Variants in ITPK1 observed in about 807,000 individuals in gnomAD.
ITPK1 encodes the protein inositol-tetrakisphosphate 1-kinase.
A neutral mutation model predicts 45.3 loss-of-function variants in ITPK1; 21 were observed. The observed-to-expected ratio is 0.46, with a 90% confidence interval of 0.33 to 0.67. The LOEUF (loss-of-function observed/expected upper bound fraction) is 0.67. ITPK1 is among the 30% of genes least tolerant of loss of function. ITPK1 has a pLI of 0.02. For synonymous variants in ITPK1, 258 were observed against 253.6 expected, an observed-to-expected ratio of 1.02 and a Z score of -0.16; for missense variants, 474 against 573.5, an observed-to-expected ratio of 0.83 and a Z score of 1.77.
chr14:93,115,344 G>T (rs1444589456), intron 1 of ITPK1, 39 bp from the exon 2 acceptor site: 2 of 259,594 alleles, frequency 7.7e-6, no homozygotes, highest in East Asian at 6.9e-5. Context: ...CGCGGCGGGC[G>T]GCCGGGAGGA....
At chr14:92,972,576 C>A (rs551634745) in intron 5 of ITPK1, among the ~76,000 whole-genome samples, 1 of 152,230 alleles carries the variant, frequency 6.6e-6, no homozygotes, top group African/African-American at 2.4e-5. Flanking sequence ...TACTTCCCAA[C>A]TCTTTTGTTT....
chr14:93,114,565 C>A (rs748586889), intron 2 of ITPK1, among the ~76,000 whole-genome samples: 1 of 152,228 alleles, frequency 6.6e-6, no homozygotes, highest in Non-Finnish European at 1.5e-5. Context: ...AATTGCTACT[C>A]GCTTCAACTG....
At chr14:93,019,325 G>T (rs1203155235) in intron 3 of ITPK1, among the ~76,000 whole-genome samples, 1 of 152,200 alleles carries the variant, frequency 6.6e-6, no homozygotes, top group Non-Finnish European at 1.5e-5. Context: ...GAGCAGAGGG[G>T]ACGCCCTTGG....
chr14:93,073,022 T>C (rs374674499), intron 3 of ITPK1, among the ~76,000 whole-genome samples: 53 of 152,268 alleles, frequency 3.5e-4, no homozygotes, highest in Admixed American at 5.2e-4. Context: ...GAGGGTTTTA[T>C]GCCCTGAGGT....
chr14:93,063,496 T>C lies in ITPK1; in HGVS notation c.120+13099A>G, dbSNP rs989783047. Among the ~76,000 whole-genome samples the C allele has an allele frequency of 3.3e-5, 5 of 152,202 alleles. No individual in the cohort carries two copies. Among genetic ancestry groups the C allele is most frequent in the Admixed American group, 3.3e-4 (5 of 15,280 alleles). ...GACCTCAGGCTACCCACGCTTCTCC[T>C]ACGAGGGCCTGAGTTTTAGAAGGCC... On this transcript the variant is annotated intron_variant, in intron 3 of 10. Transcript: ENST00000267615. This position sits in a 1 kb window ranked among gnomAD's most constrained non-coding sequence, Gnocchi z 4.3.
chr14:93,099,770 G>A (rs975570798), intron 2 of ITPK1, among the ~76,000 whole-genome samples: 1 of 152,018 alleles, frequency 6.6e-6, no homozygotes, highest in Non-Finnish European at 1.5e-5. Context: ...AGCTGCCTCC[G>A]AGAATTCTGG....
intron 3 of ITPK1, among the ~76,000 whole-genome samples, chr14:93,024,925 T>C (rs892217367): frequency 6.6e-6 from 1 of 151,978 alleles, no homozygotes; most frequent in Non-Finnish European, 1.5e-5. Context: ...TGTGCAGGGA[T>C]TGAGGCTGGG....
intron 10 of ITPK1, 44 bp from the exon 11 acceptor site, chr14:92,941,948 C>T (rs1409842772): frequency 1.3e-6 from 2 of 1,558,054 alleles, no homozygotes; most frequent in East Asian, 2.3e-5. Context: ...GAGCCAGGGG[C>T]ACGCATCATG....
intron 3 of ITPK1, among the ~76,000 whole-genome samples, chr14:93,049,332 C>T (rs528038322): frequency 1.3e-5 from 2 of 152,302 alleles, no homozygotes; most frequent in Admixed American, 1.3e-4. Context: ...CACAGGTAAA[C>T]ACAGTCGGCT....
intron 4 of ITPK1, among the ~76,000 whole-genome samples, chr14:93,009,580 T>C (rs968386802): frequency 1.6e-4 from 24 of 152,314 alleles, no homozygotes; most frequent in African/African-American, 5.1e-4. Flanking sequence ...TGGCCTGGCA[T>C]TGGTGCACAA....
In ITPK1 at chr14:93,001,570, G is replaced by A. The variant is rs188778116; in HGVS notation, c.247-7573C>T. Among the ~76,000 whole-genome samples, 38 of 152,204 alleles carry A rather than the reference G, an allele frequency of 2.5e-4. 2 individuals carry two copies. Among genetic ancestry groups the A allele is most frequent in the African/African-American group, 7.2e-4 (30 of 41,526 alleles). ...GTGTCAGCACCAAGGCGAACCCAGCGTGCCACACCCAGAGGAAACTTCCCA... is the reference window on the plus strand; with the variant it reads ...GTGTCAGCACCAAGGCGAACCCAGCATGCCACACCCAGAGGAAACTTCCCA... On this transcript the variant is annotated intron_variant, in intron 4 of 10. Coordinates refer to ENST00000267615, the MANE Select transcript of ITPK1 (RefSeq NM_014216.6).
chr14:93,001,327 CG>C (rs1363076603), intron 4 of ITPK1, among the ~76,000 whole-genome samples: 1 of 151,774 alleles, frequency 6.6e-6, no homozygotes, highest in Non-Finnish European at 1.5e-5. Flanking sequence ...AAACAAAAAA[CG>C]GCAAGCACAG....
intron 2 of ITPK1, among the ~76,000 whole-genome samples, chr14:93,078,247 T>C (rs79089242): frequency 0.023 from 3,495 of 152,264 alleles, 126 homozygotes; most frequent in African/African-American, 0.08. Context: ...TTGGGCACCC[T>C]TGCTCCCTTG....
At chr14:92,962,324 A>T in intron 7 of ITPK1, 31 bp downstream of exon 7, 1 of 1,554,020 alleles carries the variant, frequency 6.4e-7, no homozygotes. Context: ...GATGGGGGTC[A>T]GGGACAACAG....
chr14:93,088,610 C>A (rs1272719561), intron 2 of ITPK1, among the ~76,000 whole-genome samples: 1 of 151,992 alleles, frequency 6.6e-6, no homozygotes, highest in Non-Finnish European at 1.5e-5. Flanking sequence ...CCTGCCTTGG[C>A]CCCCCAAAGT....
intron 10 of ITPK1, among the ~76,000 whole-genome samples, chr14:92,946,031 G>T (rs545170756): frequency 6.6e-6 from 1 of 152,334 alleles, no homozygotes; most frequent in South Asian, 2.1e-4. Context: ...ATCGAGGAGG[G>T]CCTGGGGGAG....
At chr14:92,969,756 C>T (rs777593124) in intron 5 of ITPK1, among the ~76,000 whole-genome samples, 7 of 151,844 alleles carry the variant, frequency 4.6e-5, no homozygotes, top group East Asian at 1.9e-4. Flanking sequence ...CTGAAAAAGG[C>T]GACTGTTGCT....
chr14:93,114,425 G>C (rs76845156), intron 2 of ITPK1, among the ~76,000 whole-genome samples: 1,902 of 152,336 alleles, frequency 0.012, 53 homozygotes, highest in African/African-American at 0.043. Flanking sequence ...GGGACCCCAA[G>C]CTAGGTACCC....
intron 5 of ITPK1, among the ~76,000 whole-genome samples, chr14:92,969,648 C>T (rs1595096891): frequency 2.0e-5 from 3 of 152,322 alleles, no homozygotes; most frequent in East Asian, 3.9e-4. Context: ...TCACGAGAAG[C>T]TCGCAGTGGT....
Sources: allele counts gnomAD v4.1 joint callset (sites outside exome capture counted in the v4.1 genomes callset), GRCh38; gene constraint gnomAD v4.1.1; non-coding constraint Gnocchi (gnomAD v3.1); transcripts MANE v1.5; gene names NCBI Gene and HGNC (gene_info 2026-07-23, HGNC 2026-07-21).